The following EDNRB variants were observed in gnomAD, a reference collection of about 807,000 sequenced individuals.
The protein encoded by EDNRB is Hirschsprung disease 2.
A neutral mutation model predicts 46.4 loss-of-function variants in EDNRB; 18 were observed. The ratio of observed to expected loss-of-function variants is 0.39; its 90% CI spans 0.27 to 0.57. EDNRB has a LOEUF of 0.57. Among genes scored for constraint, EDNRB ranks in the 20% least tolerant of loss-of-function variants. The probability of loss-of-function intolerance (pLI) is 0.61; values close to 1 mark genes in which losing one functional copy is unlikely to be tolerated. For synonymous variants in EDNRB, 213 were observed against 204.9 expected (o/e 1.04, Z -0.34); for missense variants, 434 against 537.5 (o/e 0.81, Z 1.90).
chr13:77,956,947 G>T (rs1233151680), intron 1 of EDNRB, among the ~76,000 whole-genome samples: 1 of 152,172 alleles, frequency 6.6e-6, no homozygotes, highest in Non-Finnish European at 1.5e-5. Flanking sequence ...TCCTTATAAA[G>T]TCCCTTTAGC....
chr13:77,942,036 C>T lies in EDNRB; in HGVS notation c.-51-23412G>A, dbSNP rs549539338. 2.7e-3 allele frequency among the ~76,000 whole-genome samples: 405 copies of T among 152,258 alleles called. 4 individuals are homozygous for T. Among genetic ancestry groups the T allele is most frequent in the African/African-American group, 9.3e-3 (388 of 41,550 alleles). On this transcript the variant is annotated intron_variant, in intron 1 of 7. Coordinates refer to the EDNRB transcript ENST00000646948. ...AATGTTCTGCCTGTCATGTGCTTAC[C>T]TCTGATGTCAATTCTTGTGCTTTGT...
chr13:77,943,952 AT>A (rs1472555406), intron 1 of EDNRB, among the ~76,000 whole-genome samples: 1 of 152,072 alleles, frequency 6.6e-6, no homozygotes, highest in Non-Finnish European at 1.5e-5. Flanking sequence ...GATAAAGGAA[AT>A]TTCAGAAAAC....
intron 1 of EDNRB, among the ~76,000 whole-genome samples, chr13:77,960,104 A>G (rs1220706257): frequency 6.6e-6 from 1 of 152,218 alleles, no homozygotes; most frequent in Non-Finnish European, 1.5e-5. Context: ...ACCAAGTTGG[A>G]AAACACTCTG....
At chr13:77,948,576 C>T (rs1454653620) in intron 1 of EDNRB, among the ~76,000 whole-genome samples, 1 of 152,124 alleles carries the variant, frequency 6.6e-6, no homozygotes, top group Non-Finnish European at 1.5e-5. Flanking sequence ...AAATTCACAC[C>T]TGATAGATGG....
At position 77,898,280 on chromosome 13, in the gene EDNRB, T is replaced by G; in HGVS notation, c.1249A>C (p.Lys417Gln). Residue 417 changes from lysine (K) to glutamine (Q), a missense_variant, in exon 7 of 7, where the codon AAG becomes CAG. Coordinates refer to ENST00000646607, the MANE Select transcript of EDNRB (RefSeq NM_001122659.3). Reference sequence around the variant, plus strand: ...GCTTTGAACTTTAAGCACGACTGCTTTTCCTCCAAGGACTGTTTTTCTTCA... The same window carrying G: ...GCTTTGAACTTTAAGCACGACTGCTGTTCCTCCAAGGACTGTTTTTCTTCA... ...SFEEKQSLEE[K>Q]QSCLKFKAND... The G allele has an allele frequency of 6.2e-7, 1 of 1,612,220 alleles. No homozygotes were observed. Among genetic ancestry groups the G allele is most frequent in the Non-Finnish European group, 8.5e-7 (1 of 1,178,872 alleles).
chr13:77,898,833 T>A (rs1878777097), intron 6 of EDNRB, among the ~76,000 whole-genome samples: 1 of 151,948 alleles, frequency 6.6e-6, no homozygotes, highest in Non-Finnish European at 1.5e-5. Flanking sequence ...CTGAGAAGAT[T>A]TAACCTGCTT....
chr13:77,942,197 A>G (rs1300792791), intron 1 of EDNRB, among the ~76,000 whole-genome samples: 1 of 152,166 alleles, frequency 6.6e-6, no homozygotes, highest in Non-Finnish European at 1.5e-5. Flanking sequence ...AAAAATTTAA[A>G]CATTATTTCA....
At chr13:77,944,133 T>A (rs1880833659) in intron 1 of EDNRB, among the ~76,000 whole-genome samples, 1 of 152,122 alleles carries the variant, frequency 6.6e-6, no homozygotes, top group Non-Finnish European at 1.5e-5. Context: ...TCCATGTTTT[T>A]TTCTGGATGA....
At chr13:77,919,527 C>G (rs1462136657), upstream of EDNRB, 2 of 1,612,766 alleles carry the variant, frequency 1.2e-6, no homozygotes, top group Non-Finnish European at 8.5e-7. Flanking sequence ...GGGTCCGGCT[C>G]TGACGAAACG....
Position 77,896,771 on chromosome 13 carries a change from C to A in EDNRB, c.*1429G>T. On this transcript the variant is annotated 3_prime_UTR_variant, in exon 7 of 7. Coordinates refer to ENST00000646607, the MANE Select transcript of EDNRB (RefSeq NM_001122659.3). The stretch of plus-strand genomic sequence containing the variant: ...CCATGGGTTTCCTCCAACCCCACCT[C>A]ATTTCCTCTCTCTTCCGTTTTCTCT... The A allele has an allele frequency of 7.5e-7, 1 of 1,329,174 alleles. No individual in the cohort carries two copies. The highest frequency in any genetic ancestry group is 9.6e-7 in the Non-Finnish European group (1 of 1,041,336). The allele number at this position is 1,329,174 out of a possible 1,614,324, so 82.3% of individuals were successfully genotyped here. A position where few individuals can be genotyped will look rare whatever the true frequency, so the allele number is the denominator to read the frequency against.
In EDNRB at chr13:77,903,625, G is replaced by A. The variant is rs201923644; in HGVS notation, c.484-18C>T. The A allele has an allele frequency of 7.0e-5, 113 of 1,608,718 alleles. No individual in the cohort carries two copies. Among genetic ancestry groups the A allele is most frequent in the Non-Finnish European group, 8.1e-5 (95 of 1,175,856 alleles). On this transcript the variant is annotated intron_variant, in intron 1 of 6. Coordinates refer to ENST00000646607, the MANE Select transcript of EDNRB (RefSeq NM_001122659.3). ...GCCAGCAGCTGCATTGAGAAGACAC[G>A]AAGCTCTGTTAGGGGGTTTCATAAG...
chr13:77,950,363 C>A (rs1594392663), intron 1 of EDNRB, among the ~76,000 whole-genome samples: 1 of 152,242 alleles, frequency 6.6e-6, no homozygotes, highest in South Asian at 2.1e-4. Flanking sequence ...GGCTGAGTTC[C>A]TCAGGGAGTG....
At chr13:77,940,725 GTGTGTGTGTGTGTGTA>G (rs1412234795) in intron 1 of EDNRB, among the ~76,000 whole-genome samples, 1 of 95,224 alleles carries the variant, frequency 1.1e-5, no homozygotes, top group Admixed American at 1.1e-4. Context: ...GTGTGTGTGT[GTGTGTGTGTGTGTGTA>G]GGTCATGATG....
intron 1 of EDNRB, among the ~76,000 whole-genome samples, chr13:77,910,714 T>C (rs1397240496): frequency 6.6e-6 from 1 of 151,960 alleles, no homozygotes; most frequent in Non-Finnish European, 1.5e-5. Context: ...AGGGGTGCCA[T>C]CTCAATAGAT....
In EDNRB at chr13:77,972,075, A is replaced by T. The variant is rs78891358; in HGVS notation, c.-52+3272T>A. Among the ~76,000 whole-genome samples, 36 of 152,146 alleles carry T rather than the reference A, an allele frequency of 2.4e-4. 1 individual carries two copies. In the East Asian group the frequency reaches 6.8e-3, roughly 29 times the overall value. On this transcript the variant is annotated intron_variant, in intron 1 of 7. Transcript: ENST00000646948. ...TCGTGAGAGACATGAAGTGAACTTA[A>T]TGTTGGGAAGCGGAAGCTGGATGGC...
In EDNRB at chr13:77,945,901, A is replaced by AAAAAAAC. The variant is rs1391892820; in HGVS notation, c.-51-27278_-51-27277insGTTTTTT. Reference sequence around the variant, plus strand: ...CAAAAAAAAAAAAAAAAACAAAAAAAACACACAATCCGAAGAGACAAAGCA... The same window carrying AAAAAAAC: ...CAAAAAAAAAAAAAAAAACAAAAAAAAAAAAACACACACAATCCGAAGAGACAAAGCA... On this transcript the variant is annotated intron_variant, in intron 1 of 7. Coordinates refer to the EDNRB transcript ENST00000646948. Among the ~76,000 whole-genome samples, 69 of 150,766 alleles carry AAAAAAAC rather than the reference A, an allele frequency of 4.6e-4. 2 individuals carry two copies. The highest frequency in any genetic ancestry group is 8.4e-4 in the Non-Finnish European group (57 of 67,626).
At chr13:77,955,018 T>G (rs1881196825) in intron 1 of EDNRB, among the ~76,000 whole-genome samples, 1 of 152,224 alleles carries the variant, frequency 6.6e-6, no homozygotes, top group South Asian at 2.1e-4. Flanking sequence ...GGCAGTTCTA[T>G]TTTTAATTTT....
chr13:77,915,270 T>G (rs1879753758), intron 1 of EDNRB, among the ~76,000 whole-genome samples: 1 of 152,200 alleles, frequency 6.6e-6, no homozygotes, highest in African/African-American at 2.4e-5. Flanking sequence ...TATTACACAC[T>G]ACAGACCAGC....
chr13:77,902,226 T>C (rs1416780594), intron 3 of EDNRB, among the ~76,000 whole-genome samples: 1 of 151,968 alleles, frequency 6.6e-6, no homozygotes, highest in Non-Finnish European at 1.5e-5. Context: ...TGCTGGACCA[T>C]CCATTCCTCT....
Sources: allele counts gnomAD v4.1 joint callset (sites outside exome capture counted in the v4.1 genomes callset), GRCh38; gene constraint gnomAD v4.1.1; transcripts MANE v1.5; gene names NCBI Gene and HGNC (gene_info 2026-07-23, HGNC 2026-07-21).